CES3: variants seen among roughly 807,000 people sequenced by gnomAD.
The protein encoded by CES3 is carboxylesterase 3, also known as carboxylesterase 3 (brain).
CES3 carries 49 observed loss-of-function variants against 57.6 expected under a neutral mutation model. The observed-to-expected ratio is 0.85, with a 90% CI of 0.68 to 1.08. The LOEUF (loss-of-function observed/expected upper bound fraction) is 1.08. Among genes scored for constraint, CES3 ranks in the 50% least tolerant of loss-of-function variants. The pLI, the probability that CES3 is intolerant of heterozygous loss-of-function variation, is 0.00. For synonymous variants in CES3, 266 were observed against 281.6 expected (o/e 0.94, Z 0.55); for missense variants, 645 against 742.0 (o/e 0.87, Z 1.52).
chr16:66,973,168 T>C lies in CES3; in HGVS notation c.*119T>C. 1.1e-6 allele frequency: 1 copy of C among 871,364 alleles called. No homozygotes were observed. The highest frequency in any genetic ancestry group is 1.8e-6 in the Non-Finnish European group (1 of 569,120). The allele number at this position is 871,364 out of a possible 1,614,324, so 54.0% of individuals were successfully genotyped here. On this transcript the variant is annotated 3_prime_UTR_variant, in exon 13 of 13. Transcript: ENST00000303334. ...TTAATCTCCACCAGCCCTTAAAGTG[T>C]CGGCCGCTCTGTGACTGGAGTTATG...
Position 66,971,295 on chromosome 16 carries a change from G to A in CES3, c.1267G>A (p.Val423Ile), listed in dbSNP as rs201768671. Residue 423 changes from valine (V) to isoleucine (I), a missense_variant, in exon 10 of 13, where the codon GTC becomes ATC. Val to Ile is a conservative substitution (Grantham distance 29, BLOSUM62 3). Transcript: ENST00000303334. ...MGDVFINVPTVSFSRYLRDSG... is the reference protein window; with the variant it reads ...MGDVFINVPTISFSRYLRDSG... The stretch of plus-strand genomic sequence containing the variant: ...TGACGTATTCATCAATGTTCCCACC[G>A]TCAGTTTTTCAAGATACCTTCGAGG... 24 of 1,613,860 alleles carry A rather than the reference G, an allele frequency of 1.5e-5. No individual in the cohort carries two copies. The highest frequency in any genetic ancestry group is 4.5e-5 in the East Asian group (2 of 44,870).
In CES3 at chr16:66,972,408, T is replaced by C; in HGVS notation, c.1344T>C (p.Phe448=). ...FYEFQHRPSS[F]AKIKPAWVKA... ...AGTTCCAGCATCGACCCAGTTCTTT[T>C]GCGAAGATCAAACCTGCCTGGGTGA... Residue 448 remains phenylalanine, a synonymous_variant, in exon 11 of 13, where the codon TTT becomes TTC. Coordinates refer to ENST00000303334, the MANE Select transcript of CES3 (RefSeq NM_024922.6). 6.2e-7 allele frequency: 1 copy of C among 1,613,552 alleles called. No homozygotes were observed. The highest frequency in any genetic ancestry group is 2.2e-5 in the East Asian group (1 of 44,870).
At position 66,972,984 on chromosome 16, in the gene CES3, C is replaced by T. The variant is rs765559730; in HGVS notation, c.1651C>T (p.Leu551Phe). ...CTGGATGCAGTTCTGGTCAGAGACG[C>T]TCCCCAGCAAGATACAACAGTGGCA... ...EAWMQFWSET[L>F]PSKIQQWHQK... is the part of the protein sequence containing the mutation. The change falls in exon 13 of 13, where the codon CTC (leucine) becomes TTC (phenylalanine). Residue 551 changes from leucine (L) to phenylalanine (F), a missense_variant. Transcript: ENST00000303334. The T allele has an allele frequency of 2.5e-6, 4 of 1,614,102 alleles. No individual in the cohort carries two copies. The highest frequency in any genetic ancestry group is 3.3e-5 in the Admixed American group (2 of 60,024).
At chr16:66,968,551 T>C (rs1963775795) in intron 8 of CES3, among the ~76,000 whole-genome samples, 1 of 152,204 alleles carries the variant, frequency 6.6e-6, no homozygotes, top group Non-Finnish European at 1.5e-5. Context: ...ACTTAGCCCT[T>C]TGGAATCAAT....
chr16:66,966,185 G>A (rs994960075), intron 6 of CES3, 59 bp from the exon 7 acceptor site: 2 of 1,497,294 alleles, frequency 1.3e-6, no homozygotes, highest in African/African-American at 1.4e-5. Flanking sequence ...GGAGGCAGAA[G>A]GCTGCAAGGT....
intron 8 of CES3, 128 bp from the exon 9 acceptor site, chr16:66,969,551 C>A: frequency 1.2e-6 from 1 of 822,062 alleles, no homozygotes; most frequent in Non-Finnish European, 1.9e-6. Flanking sequence ...ACTTTTCGGC[C>A]CCATTTTGGC....
Position 66,970,233 on chromosome 16 carries a change from C to T in CES3, c.1143+474C>T, listed in dbSNP as rs539857302. ...AAGCGATTCTCCTGCCTCAGCCTCC[C>T]GAGTAGCTGGGATTACAGGCCCCTG... On this transcript the variant is annotated intron_variant, in intron 9 of 12. Coordinates refer to ENST00000303334, the MANE Select transcript of CES3 (RefSeq NM_024922.6). Among the ~76,000 whole-genome samples, 262 of 152,040 alleles carry T rather than the reference C, an allele frequency of 1.7e-3. 5 individuals are homozygous for T. In the South Asian group the frequency reaches 0.022, roughly 13 times the overall value.
In CES3 at chr16:66,971,913, A is replaced by T. The variant is rs371835193; in HGVS notation, c.1292-443A>T. On this transcript the variant is annotated intron_variant, in intron 10 of 12. Transcript: ENST00000303334. ...CCAGTACTTTGGGAGAAGCGGGAGG[A>T]TCGCTTGAGCCCAGGAGTTCAAGAC... Among the ~76,000 whole-genome samples, 52 of 152,144 alleles carry T rather than the reference A, an allele frequency of 3.4e-4. No homozygotes were observed. The South Asian group carries it at 0.01, about 30-fold the overall frequency.
chr16:66,966,120 C>T (rs1211793002), intron 6 of CES3, 124 bp from the exon 7 acceptor site: 1 of 829,684 alleles, frequency 1.2e-6, no homozygotes, highest in Non-Finnish European at 1.9e-6. Context: ...TGACCAGTCT[C>T]GAGGCCGATC....
chr16:66,972,693 G>A lies in CES3; in HGVS notation c.1467G>A (p.Glu489=), dbSNP rs758956821. ...RLAFPEATEE[E]KQLSLTMMAQ... ...CCTTTCCAGAGGCCACAGAGGAGGA[G>A]AAGCAGCTAAGCCTCACCATGATGG... is the stretch of plus-strand genomic sequence containing the variant. The change falls in exon 12 of 13, where the codon GAG becomes GAA. Residue 489 remains glutamate (E), a synonymous_variant. Coordinates refer to ENST00000303334, the MANE Select transcript of CES3 (RefSeq NM_024922.6). The A allele has an allele frequency of 7.4e-5, 119 of 1,614,108 alleles. No homozygotes were observed. The highest frequency in any genetic ancestry group is 9.2e-5 in the Non-Finnish European group (108 of 1,180,052).
intron 8 of CES3, chr16:66,967,376 A>C (rs1963749496): frequency 7.3e-6 from 3 of 411,558 alleles, no homozygotes; most frequent in Non-Finnish European, 9.9e-6. Context: ...TTGGGGAACA[A>C]GGTTTTTGCA....
Position 66,967,460 on chromosome 16 carries a change from C to T in CES3, c.1062+595C>T, listed in dbSNP as rs377692925. The T allele has an allele frequency of 3.2e-5, 31 of 982,166 alleles. 1 individual carries two copies. The East Asian group carries it at 9.0e-4, about 29-fold the overall frequency. The allele number at this position is 982,166 out of a possible 1,614,324, so 60.8% of individuals were successfully genotyped here. On this transcript the variant is annotated intron_variant, in intron 8 of 12. Coordinates refer to ENST00000303334, the MANE Select transcript of CES3 (RefSeq NM_024922.6). ...TGGCGTCTGGTTTATACATCAGGCTCTATGAGACTGGTTAGTGTGACTCTG... is the reference window on the plus strand; with the variant it reads ...TGGCGTCTGGTTTATACATCAGGCTTTATGAGACTGGTTAGTGTGACTCTG...
Position 66,966,260 on chromosome 16 carries a change from T to TG in CES3, c.838dup (p.Ala280GlyfsTer9). On this transcript the variant is annotated frameshift_variant, in exon 7 of 13. Coordinates refer to ENST00000303334, the MANE Select transcript of CES3 (RefSeq NM_024922.6). LOFTEE classifies it high-confidence loss of function. Reference sequence around the variant, plus strand: ...TGTCCCCAGAAAATCGCAAACACCTTGGCCTGCAGCTCCAGCTCCCCGGCT... The same window carrying TG: ...TGTCCCCAGAAAATCGCAAACACCTTGGGCCTGCAGCTCCAGCTCCCCGGCT... 1 of 1,613,480 alleles carries TG rather than the reference T, an allele frequency of 6.2e-7. No homozygotes were observed. The highest frequency in any genetic ancestry group is 8.5e-7 in the Non-Finnish European group (1 of 1,179,980).
At chr16:66,969,114 G>C (rs1963786869) in intron 8 of CES3, among the ~76,000 whole-genome samples, 1 of 151,704 alleles carries the variant, frequency 6.6e-6, no homozygotes, top group African/African-American at 2.4e-5. Context: ...CTTAGAAGTT[G>C]GGTGACTCAG....
intron 12 of CES3, 35 bp downstream of exon 12, chr16:66,972,781 C>T (rs781099265): frequency 6.2e-7 from 1 of 1,614,130 alleles, no homozygotes. Flanking sequence ...CGCTTTGGGC[C>T]TGGGATGCTC....
chr16:66,963,572 C>T lies in CES3; in HGVS notation c.369C>T (p.Asp123=). ...AGCAGATCTTCTCCGTTTCAGAGGA[C>T]TGCCTGGTCCTCAACGTCTATAGCC... ...GKQQIFSVSE[D]CLVLNVYSPA... The change falls in exon 3 of 13, where the codon GAC becomes GAT. Residue 123 remains aspartate, a synonymous_variant. Transcript: ENST00000303334. The surrounding 1 kb of genome is among the most constrained non-coding windows in gnomAD (Gnocchi z 4.9). 6.2e-7 allele frequency: 1 copy of T among 1,614,238 alleles called. No individual in the cohort carries two copies. The highest frequency in any genetic ancestry group is 1.3e-5 in the African/African-American group (1 of 75,060).
chr16:66,973,214 G>A lies in CES3; in HGVS notation c.*165G>A. 1 of 646,106 alleles carries A rather than the reference G, an allele frequency of 1.5e-6. No individual in the cohort carries two copies. The highest frequency in any genetic ancestry group is 2.7e-6 in the Non-Finnish European group (1 of 376,618). The allele number at this position is 646,106 out of a possible 1,614,324, so 40.0% of individuals were successfully genotyped here. A position where few individuals can be genotyped will look rare whatever the true frequency, so the allele number is the denominator to read the frequency against. The stretch of plus-strand genomic sequence containing the variant: ...TTATGCTCTTTTGAAATGTCACAAG[G>A]CCGCCTCCCACCTCTGGGGCATTGT... On this transcript the variant is annotated 3_prime_UTR_variant, in exon 13 of 13. Transcript: ENST00000303334.
At chr16:66,965,915 G>C (rs1329237598) in intron 6 of CES3, among the ~76,000 whole-genome samples, 1 of 152,138 alleles carries the variant, frequency 6.6e-6, no homozygotes, top group Non-Finnish European at 1.5e-5. Flanking sequence ...ACTCCAGCCT[G>C]GGCGACAGAG....
chr16:66,964,453 C>T lies in CES3; in HGVS notation c.657C>T (p.Asp219=). ...VQENIAPFGG[D]LNCVTVFGGS... is the part of the protein sequence containing the mutation. Reference sequence around the variant, plus strand: ...AAAACATCGCCCCCTTCGGGGGTGACCTCAACTGTGTCACTGTCTTTGGTG... The same window carrying T: ...AAAACATCGCCCCCTTCGGGGGTGATCTCAACTGTGTCACTGTCTTTGGTG... The change falls in exon 5 of 13, where the codon GAC becomes GAT. Residue 219 remains aspartate (D), a synonymous_variant. Transcript: ENST00000303334. The T allele has an allele frequency of 6.2e-7, 1 of 1,614,144 alleles. No homozygotes were observed. Among genetic ancestry groups the T allele is most frequent in the Non-Finnish European group, 8.5e-7 (1 of 1,180,002 alleles).
Sources: gnomAD v4.1 joint callset for allele counts (sites outside exome capture counted in the v4.1 genomes callset) on GRCh38, gnomAD v4.1.1 for gene constraint, Gnocchi (gnomAD v3.1) non-coding constraint, MANE v1.5 for transcripts, NCBI Gene and HGNC (gene_info 2026-07-23, HGNC 2026-07-21) for gene names.